Variants in EBPL observed in about 807,000 individuals in gnomAD.
EBPL encodes the protein EBP like.
A neutral mutation model predicts 19.0 loss-of-function variants in EBPL; 20 were observed. The observed-to-expected ratio is 1.05, with a 90% CI of 0.74 to 1.53. The LOEUF is 1.53. EBPL is among the 40% of genes most tolerant of loss of function. The probability of loss-of-function intolerance (pLI) is 0.00; values close to 1 mark genes in which losing one functional copy is unlikely to be tolerated. For synonymous variants in EBPL, 107 were observed against 117.0 expected (o/e 0.91, Z 0.55); for missense variants, 219 against 261.1 (o/e 0.84, Z 1.11).
At chr13:49,690,585 A>ACAC (rs1373343734) in intron 1 of EBPL, among the ~76,000 whole-genome samples, 4 of 152,122 alleles carry the variant, frequency 2.6e-5, no homozygotes, top group Admixed American at 2.6e-4. Context: ...ATCTCTAAGG[A>ACAC]CACATATTTC....
intron 2 of EBPL, among the ~76,000 whole-genome samples, chr13:49,666,001 A>G (rs186471061): frequency 1.3e-5 from 2 of 152,164 alleles, no homozygotes; most frequent in East Asian, 3.9e-4. Context: ...AACACACAAG[A>G]CCCGACACTG....
At chr13:49,670,204 G>A (rs188011854) in intron 1 of EBPL, among the ~76,000 whole-genome samples, 1 of 152,202 alleles carries the variant, frequency 6.6e-6, no homozygotes, top group East Asian at 1.9e-4. Context: ...AGTCTTTGCG[G>A]AGAACCCCAC....
At chr13:49,686,393 G>A (rs1953998364) in intron 1 of EBPL, 2 of 1,210,724 alleles carry the variant, frequency 1.7e-6, no homozygotes, top group Non-Finnish European at 2.1e-6. Flanking sequence ...CCTCTACCTG[G>A]CCTATAAGCC....
intron 1 of EBPL, among the ~76,000 whole-genome samples, chr13:49,687,663 A>T (rs575955158): frequency 1.3e-5 from 2 of 152,210 alleles, no homozygotes; most frequent in Admixed American, 6.5e-5. Context: ...AAGTATGGAC[A>T]GGCCACCACC....
intron 1 of EBPL, among the ~76,000 whole-genome samples, chr13:49,678,107 T>C (rs935755435): frequency 4.6e-5 from 7 of 152,192 alleles, no homozygotes; most frequent in Admixed American, 2.6e-4. Context: ...TGCTGATTGG[T>C]CCATTTTACA....
At chr13:49,678,495 C>G (rs1009129610) in intron 1 of EBPL, among the ~76,000 whole-genome samples, 6 of 152,222 alleles carry the variant, frequency 3.9e-5, no homozygotes, top group Admixed American at 2.6e-4. Flanking sequence ...TCGAGCGCAG[C>G]GCGGACGGGC....
chr13:49,674,711 G>C (rs890726331), intron 1 of EBPL, among the ~76,000 whole-genome samples: 5 of 152,006 alleles, frequency 3.3e-5, no homozygotes, highest in Non-Finnish European at 7.4e-5. Context: ...AAGGATGGAG[G>C]AAGATGAGGG....
At chr13:49,665,269 C>T (rs1425772400) in intron 2 of EBPL, among the ~76,000 whole-genome samples, 5 of 152,110 alleles carry the variant, frequency 3.3e-5, no homozygotes, top group Admixed American at 1.3e-4. Context: ...CACCACCACA[C>T]TCAGCTAATA....
At chr13:49,668,923 A>C (rs1953778554) in intron 2 of EBPL, among the ~76,000 whole-genome samples, 1 of 146,990 alleles carries the variant, frequency 6.8e-6, no homozygotes, top group Admixed American at 7.0e-5. Context: ...TCTGTCACCC[A>C]GACTGGAGTG....
intron 1 of EBPL, among the ~76,000 whole-genome samples, chr13:49,681,713 A>G (rs1356648925): frequency 6.6e-6 from 1 of 152,266 alleles, no homozygotes; most frequent in Non-Finnish European, 1.5e-5. Flanking sequence ...CAATTTAAAG[A>G]GCATGCTCAA....
chr13:49,680,646 AC>A (rs1489955046), intron 1 of EBPL, among the ~76,000 whole-genome samples: 5 of 152,146 alleles, frequency 3.3e-5, no homozygotes, highest in African/African-American at 9.7e-5. Context: ...TCATGGTGAA[AC>A]CCCCACTCTA....
chr13:49,689,938 T>A (rs1200548285), intron 1 of EBPL, among the ~76,000 whole-genome samples: 2 of 152,024 alleles, frequency 1.3e-5, no homozygotes, highest in African/African-American at 4.8e-5. Flanking sequence ...TCATCTGATG[T>A]TAGGGGTTTG....
At chr13:49,661,258 G>T in intron 3 of EBPL, 50 bp from the exon 4 acceptor site, 1 of 1,455,102 alleles carries the variant, frequency 6.9e-7, no homozygotes, top group South Asian at 1.2e-5. Context: ...GGCACAGTTT[G>T]GCATCAGAGT....
chr13:49,661,985 T>C, intron 3 of EBPL: 1 of 1,438,828 alleles, frequency 7.0e-7, no homozygotes, highest in Non-Finnish European at 9.5e-7. Context: ...TCTGATAGGA[T>C]GGATAATTTT....
At chr13:49,683,958 A>C (rs749816168) in intron 1 of EBPL, among the ~76,000 whole-genome samples, 16 of 152,236 alleles carry the variant, frequency 1.1e-4, no homozygotes, top group Non-Finnish European at 2.1e-4. Flanking sequence ...TAAATGGATA[A>C]ATGAATTGAA....
At chr13:49,684,489 G>A (rs1953976659) in intron 1 of EBPL, among the ~76,000 whole-genome samples, 1 of 152,120 alleles carries the variant, frequency 6.6e-6, no homozygotes, top group African/African-American at 2.4e-5. Context: ...TGGGCAACAT[G>A]GTGAAACCCC....
chr13:49,664,680 T>C (rs933975425), intron 2 of EBPL, among the ~76,000 whole-genome samples: 10 of 152,170 alleles, frequency 6.6e-5, no homozygotes, highest in African/African-American at 2.4e-4. Context: ...TGCCTCGCAT[T>C]ATTCAGAAAA....
At chr13:49,665,537 C>T (rs1185107000) in intron 2 of EBPL, among the ~76,000 whole-genome samples, 1 of 152,140 alleles carries the variant, frequency 6.6e-6, no homozygotes, top group Non-Finnish European at 1.5e-5. Flanking sequence ...TCCTAAAGTG[C>T]TGGGATTACA....
intron 1 of EBPL, 71 bp downstream of exon 1, chr13:49,691,183 T>G: frequency 8.1e-7 from 1 of 1,230,154 alleles, no homozygotes; most frequent in Non-Finnish European, 1.0e-6. Flanking sequence ...CAGGACCCCC[T>G]CACCCCGCCT....
Sources: allele counts gnomAD v4.1 joint callset (sites outside exome capture counted in the v4.1 genomes callset), GRCh38; gene constraint gnomAD v4.1.1; transcripts MANE v1.5; gene names NCBI Gene and HGNC (gene_info 2026-07-23, HGNC 2026-07-21).